The following STARD9 variants were observed in gnomAD, a reference collection of about 807,000 sequenced individuals.
STARD9 encodes the protein stAR-related lipid transfer protein 9.
Under a neutral mutation model 399.8 loss-of-function variants are expected in STARD9, and 346 were observed. The ratio of observed to expected loss-of-function variants is 0.87; its 90% CI spans 0.79 to 0.95. The LOEUF is 0.95. STARD9 is among the 40% of genes least tolerant of loss of function. The probability of loss-of-function intolerance (pLI) is 0.00; values close to 1 mark genes in which losing one functional copy is unlikely to be tolerated. For missense variants in STARD9, 5,832 were observed against 5,667.5 expected (o/e 1.03, Z -0.93); for synonymous variants, 2,203 against 2,143.5 (o/e 1.03, Z -0.77).
chr15:42,622,680 A>G (rs2059115999), intron 3 of STARD9, among the ~76,000 whole-genome samples: 2 of 152,190 alleles, frequency 1.3e-5, no homozygotes, highest in Admixed American at 6.5e-5. Context: ...AGTTGTAACT[A>G]TGAACTTTCC....
In STARD9 at chr15:42,674,839, A is replaced by G. The variant is rs2060276716; in HGVS notation, c.1562A>G (p.Gln521Arg). 6.5e-7 allele frequency: 1 copy of G among 1,532,748 alleles called. No individual in the cohort carries two copies. Among genetic ancestry groups the G allele is most frequent in the Non-Finnish European group, 8.7e-7 (1 of 1,145,126 alleles). 94.9% of individuals were successfully genotyped at this position (1,532,748 alleles called of 1,614,324 possible). A position where few individuals can be genotyped will look rare whatever the true frequency, so the allele number is the denominator to read the frequency against. ...ACCTCTTTTGTAGTCCTGCAGGGTC[A>G]GTGGATTGAGAGAGACCACTGCACT... ...DQEQDIVLQG[Q>R]WIERDHCTIT... Residue 521 changes from glutamine to arginine, a missense_variant, in exon 18 of 33, where the codon CAG becomes CGG. Physicochemically the swap from Gln to Arg is conservative, Grantham distance 43. This residue lies in a region of STARD9 where 5,828 missense variants were observed against 5,651.1 expected (regional missense o/e 1.03). Transcript: ENST00000290607.
At chr15:42,645,776 A>C (rs2059633724) in intron 7 of STARD9, among the ~76,000 whole-genome samples, 1 of 152,086 alleles carries the variant, frequency 6.6e-6, no homozygotes, top group Non-Finnish European at 1.5e-5. Flanking sequence ...TTGTGGGCTC[A>C]AGAGATCCAC....
At chr15:42,681,047 T>G (rs2060416579) in intron 20 of STARD9, among the ~76,000 whole-genome samples, 1 of 152,248 alleles carries the variant, frequency 6.6e-6, no homozygotes. Flanking sequence ...TACTGAGTAT[T>G]TCCAACATAT....
Position 42,675,723 on chromosome 15 carries a change from G to A in STARD9, c.1747G>A (p.Ala583Thr), listed in dbSNP as rs2060296912. 1.3e-6 allele frequency: 2 copies of A among 1,537,076 alleles called. No homozygotes were observed. Among genetic ancestry groups the A allele is most frequent in the African/African-American group, 2.7e-5 (2 of 73,052 alleles). ...KFRFNHPAEA[A>T]VLRQRRQVGE... ...CCGATTCAACCACCCAGCAGAGGCT[G>A]CTGTCCTGCGGCAGCGAAGGCAGGT... Residue 583 changes from alanine (A) to threonine (T), a missense_variant, in exon 19 of 33, where the codon GCT becomes ACT. By Grantham distance (58) the Ala-to-Thr change is moderately conservative. Transcript: ENST00000290607.
intron 16 of STARD9, 38 bp downstream of exon 16, chr15:42,669,375 T>G (rs2060163820): frequency 6.8e-7 from 1 of 1,469,054 alleles, no homozygotes; most frequent in African/African-American, 1.4e-5. Flanking sequence ...CCTAAGCCAC[T>G]GGTTCCAGAG....
At position 42,690,285 on chromosome 15, in the gene STARD9, C is replaced by T. The variant is rs1464069320; in HGVS notation, c.8707C>T (p.Gln2903Ter). The T allele has an allele frequency of 6.5e-7, 1 of 1,537,182 alleles. No homozygotes were observed. Among genetic ancestry groups the T allele is most frequent in the East Asian group, 2.4e-5 (1 of 40,932 alleles). Reference protein sequence around the residue: ...KHSRPIPLPDQRPSANPGGIG... With the variant: ...KHSRPIPLPD ...TTCCAGGCCAATTCCACTGCCAGAT[C>T]AAAGACCAAGCGCAAATCCTGGGGG... Residue 2903 changes from glutamine to a stop codon, truncating the protein, a stop_gained, in exon 23 of 33, where the codon CAA becomes TAA. Transcript: ENST00000290607. LOFTEE classifies it high-confidence loss of function.
Position 42,695,308 on chromosome 15 carries a change from T to G in STARD9, c.13131T>G (p.Ile4377Met), listed in dbSNP as rs1377797602. The change falls in exon 25 of 33, where the codon ATT (isoleucine) becomes ATG (methionine). Residue 4377 changes from isoleucine (I) to methionine (M), a missense_variant. Physicochemically the swap from Ile to Met is conservative, Grantham distance 10. Transcript: ENST00000290607. ...QEKLRIHQKIISQLLKEEDKL... is the reference protein window; with the variant it reads ...QEKLRIHQKIMSQLLKEEDKL... Reference sequence around the variant, plus strand: ...AGCTGAGAATCCACCAGAAGATCATTTCCCAGCTATTGAAGGTGTGGAGTG... The same window carrying G: ...AGCTGAGAATCCACCAGAAGATCATGTCCCAGCTATTGAAGGTGTGGAGTG... The G allele has an allele frequency of 2.6e-6, 4 of 1,533,784 alleles. 1 individual carries two copies. In the South Asian group the frequency reaches 4.8e-5, roughly 18 times the overall value.
chr15:42,643,693 G>A (rs2059589012), intron 7 of STARD9, among the ~76,000 whole-genome samples: 2 of 151,910 alleles, frequency 1.3e-5, no homozygotes, highest in Admixed American at 6.6e-5. Flanking sequence ...TAGAGGTGGG[G>A]TTTCACCATG....
At chr15:42,666,877 T>C (rs1238384193) in intron 15 of STARD9, among the ~76,000 whole-genome samples, 2 of 150,786 alleles carry the variant, frequency 1.3e-5, no homozygotes, top group East Asian at 4.0e-4. Flanking sequence ...TGCAGCGTTG[T>C]GATCTCAGCT....
Position 42,693,653 on chromosome 15 carries a change from A to C in STARD9, c.12075A>C (p.Gln4025His). The change falls in exon 23 of 33, where the codon CAA (glutamine) becomes CAC (histidine). Residue 4025 changes from glutamine to histidine, a missense_variant. This residue lies in a region of STARD9 where 5,828 missense variants were observed against 5,651.1 expected (regional missense o/e 1.03). Transcript: ENST00000290607. ...LLPPPLRHRS[Q>H]RLGNSFVPEK... ...CACCACCACTGAGGCACAGGAGCCA[A>C]AGGCTGGGCAACAGCTTTGTGCCTG... 6.5e-7 allele frequency: 1 copy of C among 1,537,260 alleles called. No individual in the cohort carries two copies. The highest frequency in any genetic ancestry group is 2.4e-5 in the East Asian group (1 of 40,924).
chr15:42,607,265 C>T (rs1208764760), intron 3 of STARD9, among the ~76,000 whole-genome samples: 1 of 123,742 alleles, frequency 8.1e-6, no homozygotes, highest in Non-Finnish European at 1.6e-5. Context: ...TACAGTGGTG[C>T]GATCTCAGTT....
At chr15:42,625,306 C>T (rs2059179567) in intron 3 of STARD9, among the ~76,000 whole-genome samples, 1 of 151,862 alleles carries the variant, frequency 6.6e-6, no homozygotes, top group African/African-American at 2.4e-5. Flanking sequence ...GGATTACAGG[C>T]ATGAGCCACC....
Position 42,684,215 on chromosome 15 carries a change from G to C in STARD9, c.2637G>C (p.Gln879His). ...CATCATCAGAAGAGCATTTGCCACA[G>C]GCTGCTTCCTACCCTGCAAGGACAG... Reference protein sequence around the residue: ...EKTSSEEHLPQAASYPARTGC... With the variant: ...EKTSSEEHLPHAASYPARTGC... The change falls in exon 23 of 33, where the codon CAG becomes CAC. Residue 879 changes from glutamine to histidine, a missense_variant. By Grantham distance (24) the Gln-to-His change is conservative. Coordinates refer to ENST00000290607, the MANE Select transcript of STARD9 (RefSeq NM_020759.3). 6.5e-7 allele frequency: 1 copy of C among 1,537,252 alleles called. No homozygotes were observed.
chr15:42,686,309 T>C lies in STARD9; in HGVS notation c.4731T>C (p.Phe1577=), dbSNP rs2060554792. 6.5e-7 allele frequency: 1 copy of C among 1,537,562 alleles called. No individual in the cohort carries two copies. Among genetic ancestry groups the C allele is most frequent in the Non-Finnish European group, 8.7e-7 (1 of 1,146,980 alleles). ...NAKLEGVSDF[F]STSEKEASYD... ...AATTAGAAGGTGTTTCAGATTTCTT[T>C]AGCACTAGTGAGAAAGAGGCGAGTT... The change falls in exon 23 of 33, where the codon TTT becomes TTC. Residue 1577 remains phenylalanine, a synonymous_variant. Coordinates refer to ENST00000290607, the MANE Select transcript of STARD9 (RefSeq NM_020759.3).
At chr15:42,615,678 C>A in intron 3 of STARD9, among the ~76,000 whole-genome samples, 1 of 145,302 alleles carries the variant, frequency 6.9e-6, no homozygotes. Context: ...TGAGAATTAA[C>A]ATAGGAGGAA....
intron 3 of STARD9, among the ~76,000 whole-genome samples, chr15:42,601,549 C>T (rs1382070118): frequency 5.4e-5 from 8 of 149,292 alleles, no homozygotes; most frequent in East Asian, 1.9e-4. Flanking sequence ...CCCCACCTCC[C>T]GGACGGGGCG....
Position 42,693,321 on chromosome 15 carries a change from C to G in STARD9, c.11743C>G (p.Pro3915Ala), listed in dbSNP as rs1202267337. The change falls in exon 23 of 33, where the codon CCA (proline) becomes GCA (alanine). Residue 3915 changes from proline to alanine, a missense_variant. This residue lies in a region of STARD9 where 5,828 missense variants were observed against 5,651.1 expected (regional missense o/e 1.03). Transcript: ENST00000290607. ...CAGCACCCAAGAGCCGGGTCTTTCC[C>G]CAGGCTCTTTGACCCTCTCAGCCCC... is the stretch of plus-strand genomic sequence containing the variant. ...SASTQEPGLS[P>A]GSLTLSAPST... 6 of 1,537,010 alleles carry G rather than the reference C, an allele frequency of 3.9e-6. No individual in the cohort carries two copies. In the South Asian group the frequency reaches 5.9e-5, roughly 15 times the overall value.
chr15:42,676,570 T>G (rs2060316434), intron 20 of STARD9, among the ~76,000 whole-genome samples: 1 of 152,234 alleles, frequency 6.6e-6, no homozygotes, highest in Non-Finnish European at 1.5e-5. Flanking sequence ...ATTGTAACTA[T>G]GAAACATTGA....
chr15:42,692,282 C>T lies in STARD9; in HGVS notation c.10704C>T (p.Asp3568=). The T allele has an allele frequency of 6.5e-7, 1 of 1,537,020 alleles. No individual in the cohort carries two copies. Among genetic ancestry groups the T allele is most frequent in the Non-Finnish European group, 8.7e-7 (1 of 1,146,886 alleles). ...FRGSSSIALG[D]PHIPTSPEGV... is the part of the protein sequence containing the mutation. Reference sequence around the variant, plus strand: ...GGAGTTCTTCAATTGCCTTAGGAGACCCCCACATCCCGACGAGCCCTGAAG... The same window carrying T: ...GGAGTTCTTCAATTGCCTTAGGAGATCCCCACATCCCGACGAGCCCTGAAG... The change falls in exon 23 of 33, where the codon GAC becomes GAT. Residue 3568 remains aspartate (D), a synonymous_variant. Transcript: ENST00000290607.
Sources: gnomAD v4.1 joint callset for allele counts (sites outside exome capture counted in the v4.1 genomes callset) on GRCh38, gnomAD v4.1.1 for gene constraint, gnomAD v4.1.1 regional missense constraint, MANE v1.5 for transcripts, NCBI Gene and HGNC (gene_info 2026-07-23, HGNC 2026-07-21) for gene names.